The following CRTC3 variants were observed in gnomAD, a reference collection of about 807,000 sequenced individuals.
The protein encoded by CRTC3 is CREB-regulated transcription coactivator 3.
A neutral mutation model predicts 74.5 loss-of-function variants in CRTC3; 26 were observed. The ratio of observed to expected loss-of-function variants is 0.35; its 90% CI spans 0.26 to 0.48. The LOEUF is 0.48. Ranked by LOEUF, CRTC3 falls within the 20% of genes least tolerant of loss-of-function variation. CRTC3 has a pLI of 0.99. For missense variants in CRTC3, 760 were observed against 787.3 expected (o/e 0.97, Z 0.41); for synonymous variants, 377 against 325.8 (o/e 1.16, Z -1.69).
rs530959588 is a variant in CRTC3 at position 90,631,685 on chromosome 15, C to A, written c.1266+2153C>A. ...GGAAGTTTGCAGTGAGCCAGGATTGCACCACTGCACTCCAGCCTGGGTGAC... is the reference window on the plus strand; with the variant it reads ...GGAAGTTTGCAGTGAGCCAGGATTGAACCACTGCACTCCAGCCTGGGTGAC... On this transcript the variant is annotated intron_variant, in intron 11 of 14. Coordinates refer to ENST00000268184, the MANE Select transcript of CRTC3 (RefSeq NM_022769.5). Among the ~76,000 whole-genome samples the A allele has an allele frequency of 2.7e-5, 4 of 148,740 alleles. No individual in the cohort carries two copies. The East Asian group carries it at 6.0e-4, about 22-fold the overall frequency.
chr15:90,556,186 T>A (rs547848805), intron 2 of CRTC3, among the ~76,000 whole-genome samples: 1 of 152,288 alleles, frequency 6.6e-6, no homozygotes, highest in South Asian at 2.1e-4. Context: ...ATATGACTTA[T>A]AATTTACAAG....
At chr15:90,637,470 G>T (rs188562258) in intron 11 of CRTC3, among the ~76,000 whole-genome samples, 59 of 152,270 alleles carry the variant, frequency 3.9e-4, no homozygotes, top group Middle Eastern at 6.8e-3. Flanking sequence ...GAGTTAATGG[G>T]TGTAGCACAC....
chr15:90,593,761 C>CT lies in CRTC3; in HGVS notation c.351+12dup. ...GGGACAAGCCAGGGCGACAAATATC[C>CT]TTTTTTACTCTTCAAAGGGAGTGTG... On this transcript the variant is annotated splice_region_variant and intron_variant, in intron 3 of 14. Coordinates refer to ENST00000268184, the MANE Select transcript of CRTC3 (RefSeq NM_022769.5). The CT allele has an allele frequency of 6.3e-7, 1 of 1,594,968 alleles. No individual in the cohort carries two copies. The highest frequency in any genetic ancestry group is 8.6e-7 in the Non-Finnish European group (1 of 1,164,648).
At chr15:90,614,319 A>G (rs983535888) in intron 6 of CRTC3, 134 bp from the exon 7 acceptor site, 1 of 606,314 alleles carries the variant, frequency 1.6e-6, no homozygotes, top group Admixed American at 3.1e-5. Context: ...TTAAATGAAA[A>G]TCAGTGTATC....
intron 9 of CRTC3, 57 bp from the exon 10 acceptor site, chr15:90,625,719 G>C: frequency 2.0e-6 from 3 of 1,478,814 alleles, no homozygotes; most frequent in Non-Finnish European, 2.8e-6. Flanking sequence ...AGCCATGTTT[G>C]GTTTCCCAAC....
chr15:90,640,890 G>T (rs879703438), intron 13 of CRTC3, among the ~76,000 whole-genome samples: 1 of 152,034 alleles, frequency 6.6e-6, no homozygotes, highest in Non-Finnish European at 1.5e-5. Flanking sequence ...TGGACCTCAG[G>T]GACCCCTCCT....
intron 13 of CRTC3, among the ~76,000 whole-genome samples, chr15:90,639,491 C>G (rs1473880240): frequency 1.4e-5 from 2 of 147,054 alleles, no homozygotes; most frequent in Non-Finnish European, 3.0e-5. Context: ...AATCTGTCGC[C>G]TAGGCTGGAG....
chr15:90,579,144 C>T (rs1317330541), intron 2 of CRTC3, among the ~76,000 whole-genome samples: 1 of 152,158 alleles, frequency 6.6e-6, no homozygotes, highest in African/African-American at 2.4e-5. Context: ...CAACTATTTA[C>T]ATAGTATTTG....
intron 2 of CRTC3, among the ~76,000 whole-genome samples, chr15:90,587,977 A>G (rs1182247749): frequency 4.8e-5 from 7 of 145,748 alleles, no homozygotes; most frequent in African/African-American, 1.7e-4. Flanking sequence ...GCCAGGCACA[A>G]TGGCTCATGC....
intron 10 of CRTC3, among the ~76,000 whole-genome samples, chr15:90,628,222 A>T (rs9972482): frequency 0.24 from 36,283 of 151,362 alleles, 4,845 homozygotes; most frequent in African/African-American, 0.38. Context: ...GTCTCAAAAA[A>T]AATAATAATA....
At chr15:90,608,489 G>A (rs138471477) in intron 6 of CRTC3, among the ~76,000 whole-genome samples, 423 of 152,168 alleles carry the variant, frequency 2.8e-3, no homozygotes, top group African/African-American at 8.7e-3. Context: ...CTCTCCATCC[G>A]TAAGCCTCAG....
intron 3 of CRTC3, among the ~76,000 whole-genome samples, chr15:90,601,605 A>T (rs1261094766): frequency 6.6e-6 from 1 of 152,166 alleles, no homozygotes; most frequent in Non-Finnish European, 1.5e-5. Flanking sequence ...GTGAGCCGAG[A>T]TTGCGCCATT....
At chr15:90,605,452 G>A (rs958479484) in intron 5 of CRTC3, among the ~76,000 whole-genome samples, 5 of 152,122 alleles carry the variant, frequency 3.3e-5, no homozygotes, top group African/African-American at 1.2e-4. Flanking sequence ...GTTTAAGGCC[G>A]ACGAGAACCT....
chr15:90,638,942 GGCTAGAAGA>G, intron 13 of CRTC3, 127 bp downstream of exon 13: 1 of 788,052 alleles, frequency 1.3e-6, no homozygotes, highest in East Asian at 2.6e-5. Context: ...TGTGTTCTGT[GGCTAGAAGA>G]GCCTTTCATC....
intron 6 of CRTC3, among the ~76,000 whole-genome samples, chr15:90,612,284 G>A (rs186507103): frequency 8.5e-5 from 13 of 152,202 alleles, no homozygotes; most frequent in Admixed American, 2.6e-4. Flanking sequence ...CAGAGTTGCT[G>A]TGGGGATCCC....
chr15:90,574,056 T>C (rs1967341170), intron 2 of CRTC3, among the ~76,000 whole-genome samples: 1 of 152,240 alleles, frequency 6.6e-6, no homozygotes, highest in Non-Finnish European at 1.5e-5. Context: ...CCCATGTCAG[T>C]TCACAAAGTA....
chr15:90,595,560 CAAA>C (rs56091650), intron 3 of CRTC3: 2 of 53,060 alleles, frequency 3.8e-5, no homozygotes, highest in Non-Finnish European at 7.9e-5. Context: ...GACTCCGTCT[CAAA>C]AAAAAAAAAA....
In CRTC3 at chr15:90,625,978, A is replaced by T. The variant is rs1299632035; in HGVS notation, c.952A>T (p.Ile318Leu). Residue 318 changes from isoleucine (I) to leucine (L), a missense_variant, in exon 10 of 15, where the codon ATA becomes TTA. Transcript: ENST00000268184. Reference sequence around the variant, plus strand: ...CCCAGCTGCTATGACCCACCTGGGTATAAGAAGCTCCTCTGGTGAGTATCT... The same window carrying T: ...CCCAGCTGCTATGACCCACCTGGGTTTAAGAAGCTCCTCTGGTGAGTATCT... ...NIPAAMTHLG[I>L]RSSSGLQSSR... The T allele has an allele frequency of 1.5e-5, 24 of 1,613,844 alleles. No homozygotes were observed. The highest frequency in any genetic ancestry group is 2.0e-5 in the Non-Finnish European group (24 of 1,179,794).
intron 2 of CRTC3, among the ~76,000 whole-genome samples, chr15:90,545,768 C>T (rs148318388): frequency 0.038 from 5,740 of 151,980 alleles, 215 homozygotes; most frequent in African/African-American, 0.1. Context: ...TTAGTAGAGA[C>T]GGGGTTTCAC....
Sources: allele counts gnomAD v4.1 joint callset (sites outside exome capture counted in the v4.1 genomes callset), GRCh38; gene constraint gnomAD v4.1.1; transcripts MANE v1.5; gene names NCBI Gene and HGNC (gene_info 2026-07-23, HGNC 2026-07-21).